Variants in CADM2 observed in about 807,000 individuals in gnomAD.
The protein encoded by CADM2 is immunoglobulin superfamily member 4D.
Under a neutral mutation model 49.8 loss-of-function variants are expected in CADM2, and 12 were observed. The observed-to-expected ratio is 0.24, with a 90% CI of 0.15 to 0.39. CADM2 has a LOEUF of 0.39. Among genes scored for constraint, CADM2 ranks in the 10% least tolerant of loss-of-function variants. The pLI, the probability that CADM2 is intolerant of heterozygous loss-of-function variation, is 1.00. For synonymous variants in CADM2, 214 were observed against 175.4 expected (o/e 1.22, Z -1.74); for missense variants, 378 against 492.3 (o/e 0.77, Z 2.20).
chr3:85,836,001 C>T (rs1471107686), intron 3 of CADM2, among the ~76,000 whole-genome samples: 2 of 151,376 alleles, frequency 1.3e-5, no homozygotes, highest in Non-Finnish European at 3.0e-5. Flanking sequence ...CTATGACTTT[C>T]ATACAGGCTG....
intron 2 of CADM2, among the ~76,000 whole-genome samples, chr3:85,739,352 A>T (rs2068283739): frequency 6.6e-6 from 1 of 152,094 alleles, no homozygotes; most frequent in African/African-American, 2.4e-5. Flanking sequence ...TATCTTTATA[A>T]CTTATAAAAC....
rs528770770 is a variant in CADM2 at position 85,063,407 on chromosome 3, A to G, written c.61+103739A>G. On this transcript the variant is annotated intron_variant, in intron 1 of 9. Transcript: ENST00000383699. ...ACTAAAGAAAAGCCTTTAGTGTTAT[A>G]ATCAGCAAAAAAGAGCAGATTTTAG... is the stretch of plus-strand genomic sequence containing the variant. 2.0e-5 allele frequency among the ~76,000 whole-genome samples: 3 copies of G among 152,172 alleles called. No individual in the cohort carries two copies. In the South Asian group the frequency reaches 6.2e-4, roughly 31 times the overall value.
intron 1 of CADM2, among the ~76,000 whole-genome samples, chr3:85,439,488 A>G (rs920667969): frequency 6.6e-6 from 1 of 152,144 alleles, no homozygotes; most frequent in African/African-American, 2.4e-5. Flanking sequence ...GGTTTAATGT[A>G]AATTAATTTA....
At chr3:85,962,626 C>T (rs373481968) in intron 8 of CADM2, among the ~76,000 whole-genome samples, 148 of 151,906 alleles carry the variant, frequency 9.7e-4, no homozygotes, top group Non-Finnish European at 1.7e-3. Flanking sequence ...TGAATTTTTA[C>T]GAGATTGATG....
At chr3:85,075,123 A>G (rs887520875) in intron 1 of CADM2, among the ~76,000 whole-genome samples, 23 of 152,140 alleles carry the variant, frequency 1.5e-4, no homozygotes, top group African/African-American at 5.3e-4. Flanking sequence ...ATTTGAGACA[A>G]TGAATACAGA....
chr3:85,636,626 AC>A (rs1429786082), intron 1 of CADM2, among the ~76,000 whole-genome samples: 1 of 152,158 alleles, frequency 6.6e-6, no homozygotes, highest in Admixed American at 6.5e-5. Flanking sequence ...CTCACCACTT[AC>A]TCACTATCTC....
chr3:85,810,897 C>A (rs11926477), intron 3 of CADM2, among the ~76,000 whole-genome samples: 7,121 of 152,130 alleles, frequency 0.047, 537 homozygotes, highest in African/African-American at 0.16. Flanking sequence ...CCATTATTGG[C>A]AATTCTTTAA....
chr3:85,943,806 C>T (rs1722284054), intron 7 of CADM2, among the ~76,000 whole-genome samples: 1 of 151,900 alleles, frequency 6.6e-6, no homozygotes, highest in Non-Finnish European at 1.5e-5. Context: ...GGAAAGGATT[C>T]CCTATTTAAC....
chr3:85,556,168 A>G, intron 1 of CADM2, among the ~76,000 whole-genome samples: 1 of 152,162 alleles, frequency 6.6e-6, no homozygotes, highest in Non-Finnish European at 1.5e-5. Flanking sequence ...CATATATACT[A>G]TATACTGTAA....
intron 1 of CADM2, among the ~76,000 whole-genome samples, chr3:85,464,478 T>C (rs2038398853): frequency 6.6e-6 from 1 of 152,158 alleles, no homozygotes; most frequent in Non-Finnish European, 1.5e-5. Context: ...ATTTGTAATA[T>C]AGAAGTAAAG....
chr3:85,883,230 T>C (rs73147157), intron 3 of CADM2, 61 bp from the exon 4 acceptor site: 47,664 of 1,364,744 alleles, frequency 0.035, 2,169 homozygotes, highest in African/African-American at 0.16. Flanking sequence ...AAATATATAG[T>C]CTAAAAATAC....
intron 1 of CADM2, among the ~76,000 whole-genome samples, chr3:85,645,849 G>A (rs953641118): frequency 6.6e-6 from 1 of 151,842 alleles, no homozygotes; most frequent in Non-Finnish European, 1.5e-5. Context: ...TTGAACTCTG[G>A]GGAGGGGGTA....
At chr3:85,525,215 A>G (rs2061135180) in intron 1 of CADM2, among the ~76,000 whole-genome samples, 1 of 152,222 alleles carries the variant, frequency 6.6e-6, no homozygotes, top group African/African-American at 2.4e-5. Context: ...GATTTACAGA[A>G]AAAATTCAAA....
chr3:85,809,711 CCTTCCTTCGTTCCT>C, intron 3 of CADM2, among the ~76,000 whole-genome samples: 1 of 122,794 alleles, frequency 8.1e-6, no homozygotes, highest in African/African-American at 3.2e-5. Flanking sequence ...TTCCTTCCTT[CCTTCCTTCGTTCCT>C]TCCCTCCCTC....
At chr3:85,071,361 G>A (rs2036736083) in intron 1 of CADM2, among the ~76,000 whole-genome samples, 1 of 151,996 alleles carries the variant, frequency 6.6e-6, no homozygotes, top group Non-Finnish European at 1.5e-5. Flanking sequence ...TATAAAATGT[G>A]GTTAGGAAGC....
intron 3 of CADM2, among the ~76,000 whole-genome samples, chr3:85,875,015 A>G (rs1010277185): frequency 6.6e-6 from 1 of 152,144 alleles, no homozygotes; most frequent in Admixed American, 6.6e-5. Context: ...TGTATTGCTT[A>G]GGTTCTGTTT....
intron 1 of CADM2, among the ~76,000 whole-genome samples, chr3:85,514,026 A>G (rs1420606996): frequency 3.3e-5 from 5 of 152,090 alleles, no homozygotes; most frequent in African/African-American, 1.2e-4. Flanking sequence ...AACTTCTATA[A>G]GAATGGCAAT....
chr3:85,560,665 T>A (rs948893672), intron 1 of CADM2, among the ~76,000 whole-genome samples: 2 of 152,198 alleles, frequency 1.3e-5, no homozygotes, highest in African/African-American at 2.4e-5. Flanking sequence ...CAATGAAGCA[T>A]TTATTTTACT....
chr3:85,413,751 G>A (rs181575906), intron 1 of CADM2, among the ~76,000 whole-genome samples: 1 of 152,254 alleles, frequency 6.6e-6, no homozygotes, highest in Non-Finnish European at 1.5e-5. Context: ...CTCCAATATT[G>A]GGGATTACAA....
Sources: gnomAD v4.1 joint callset for allele counts (sites outside exome capture counted in the v4.1 genomes callset) on GRCh38, gnomAD v4.1.1 for gene constraint, MANE v1.5 for transcripts, NCBI Gene and HGNC (gene_info 2026-07-23, HGNC 2026-07-21) for gene names.